The following NELL2 variants were observed in gnomAD, a reference collection of about 807,000 sequenced individuals.
The protein encoded by NELL2 is neural EGFL like 2, also known as protein kinase C-binding protein NELL2.
Under a neutral mutation model 109.6 loss-of-function variants are expected in NELL2, and 41 were observed. The observed-to-expected ratio is 0.37, with a 90% CI of 0.29 to 0.49. The LOEUF (loss-of-function observed/expected upper bound fraction) is 0.49. Ranked by LOEUF, NELL2 falls within the 20% of genes least tolerant of loss-of-function variation. NELL2 has a pLI of 0.98. For synonymous variants in NELL2, 355 were observed against 344.7 expected (o/e 1.03, Z -0.33); for missense variants, 900 against 1,008.3 (o/e 0.89, Z 1.45).
At chr12:44,885,447 T>C (rs988246660) in intron 1 of NELL2, among the ~76,000 whole-genome samples, 1 of 151,988 alleles carries the variant, frequency 6.6e-6, no homozygotes, top group Non-Finnish European at 1.5e-5. Flanking sequence ...GGTTGCAGAA[T>C]ACAAAGTCAA....
chr12:44,629,843 C>T (rs1261377912), intron 13 of NELL2, among the ~76,000 whole-genome samples: 3 of 152,122 alleles, frequency 2.0e-5, no homozygotes, highest in African/African-American at 7.2e-5. Flanking sequence ...TGACCTAGAA[C>T]CGTAAGTTCA....
chr12:44,544,010 T>C (rs1942688851), intron 15 of NELL2, among the ~76,000 whole-genome samples: 1 of 152,114 alleles, frequency 6.6e-6, no homozygotes, highest in South Asian at 2.1e-4. Context: ...CATGAGATAT[T>C]TAAATATTAA....
chr12:44,863,627 A>C (rs963536170), intron 2 of NELL2, among the ~76,000 whole-genome samples: 2 of 152,202 alleles, frequency 1.3e-5, no homozygotes, highest in African/African-American at 4.8e-5. Flanking sequence ...GGAGTCCATC[A>C]TCACCAGACC....
At chr12:44,655,227 C>T (rs1259824897) in intron 13 of NELL2, among the ~76,000 whole-genome samples, 4 of 152,168 alleles carry the variant, frequency 2.6e-5, no homozygotes, top group Non-Finnish European at 5.9e-5. Flanking sequence ...CTCAGGTGAG[C>T]TTGCAGAGAG....
upstream of NELL2, among the ~76,000 whole-genome samples, chr12:44,880,681 T>C (rs1244006670): frequency 6.6e-6 from 1 of 152,012 alleles, no homozygotes; most frequent in Non-Finnish European, 1.5e-5. Flanking sequence ...ATGGATTAAG[T>C]ACACTTTACC....
At position 44,907,133 on chromosome 12, in the gene NELL2, A is replaced by G. The variant is rs547787160; in HGVS notation, c.38+6666T>C. Among the ~76,000 whole-genome samples the G allele has an allele frequency of 2.6e-5, 4 of 152,156 alleles. No individual in the cohort carries two copies. The South Asian group carries it at 6.2e-4, about 24-fold the overall frequency. The stretch of plus-strand genomic sequence containing the variant: ...CATGTGAAGGTTTGCTACTCCTGCC[A>G]TGATTGTAAGTTTCCTAAGGCCTCC... On this transcript the variant is annotated intron_variant, in intron 1 of 20. Transcript: ENST00000333837.
At chr12:44,689,812 A>G (rs1156895845) in intron 12 of NELL2, among the ~76,000 whole-genome samples, 1 of 152,182 alleles carries the variant, frequency 6.6e-6, no homozygotes, top group African/African-American at 2.4e-5. Flanking sequence ...GGATGCTGCT[A>G]AACATCCTAC....
intron 15 of NELL2, among the ~76,000 whole-genome samples, chr12:44,539,731 A>C (rs1467991828): frequency 6.6e-6 from 1 of 152,190 alleles, no homozygotes; most frequent in Non-Finnish European, 1.5e-5. Context: ...ATAAATATTA[A>C]TTTAATGTTT....
At chr12:44,536,519 GTTA>G (rs1942300598) in intron 15 of NELL2, among the ~76,000 whole-genome samples, 1 of 151,908 alleles carries the variant, frequency 6.6e-6, no homozygotes, top group African/African-American at 2.4e-5. Context: ...GGAAAAAAAT[GTTA>G]TTATTTTATT....
At chr12:44,894,678 C>T (rs915682119) in intron 1 of NELL2, among the ~76,000 whole-genome samples, 14 of 152,296 alleles carry the variant, frequency 9.2e-5, no homozygotes, top group African/African-American at 2.9e-4. Flanking sequence ...TAAATTATCT[C>T]ATCCATAATT....
intron 1 of NELL2, among the ~76,000 whole-genome samples, chr12:44,906,601 G>A (rs1272484250): frequency 6.6e-6 from 1 of 151,976 alleles, no homozygotes; most frequent in Non-Finnish European, 1.5e-5. Flanking sequence ...GACTGGAATT[G>A]AGATATGAGA....
intron 12 of NELL2, among the ~76,000 whole-genome samples, chr12:44,681,687 G>A (rs539733562): frequency 4.3e-4 from 65 of 152,060 alleles, no homozygotes; most frequent in African/African-American, 1.4e-3. Flanking sequence ...TTGTTCTTGC[G>A]ATAGTTTACT....
At chr12:44,772,935 C>T (rs1941604159) in intron 9 of NELL2, among the ~76,000 whole-genome samples, 1 of 152,274 alleles carries the variant, frequency 6.6e-6, no homozygotes, top group Non-Finnish European at 1.5e-5. Flanking sequence ...AACATTTTAT[C>T]ATTTCATTAT....
chr12:44,780,874 C>A (rs1941933049), intron 3 of NELL2, among the ~76,000 whole-genome samples: 1 of 152,072 alleles, frequency 6.6e-6, no homozygotes, highest in Non-Finnish European at 1.5e-5. Flanking sequence ...CTCCACCTGG[C>A]AGTAACAAGA....
chr12:44,898,872 G>A (rs1054838630), intron 1 of NELL2, among the ~76,000 whole-genome samples: 1 of 151,686 alleles, frequency 6.6e-6, no homozygotes, highest in Non-Finnish European at 1.5e-5. Context: ...AAGGGTTAGA[G>A]GAACTGCTAA....
intron 2 of NELL2, among the ~76,000 whole-genome samples, chr12:44,871,927 A>C (rs1209132040): frequency 6.6e-6 from 1 of 152,210 alleles, no homozygotes; most frequent in African/African-American, 2.4e-5. Flanking sequence ...ACTTCAGAAG[A>C]AATTGTATTA....
intron 1 of NELL2, 188 bp downstream of exon 1, chr12:44,875,626 AT>A: frequency 6.2e-7 from 1 of 1,609,378 alleles, no homozygotes; most frequent in Non-Finnish European, 8.5e-7. Context: ...TAGGGGCGTG[AT>A]CCGCCTCGCG....
chr12:44,566,345 C>T (rs375465084), intron 15 of NELL2, among the ~76,000 whole-genome samples: 4 of 151,870 alleles, frequency 2.6e-5, no homozygotes, highest in Admixed American at 6.6e-5. Context: ...CCTCAGAAGT[C>T]GCCATATAAT....
intron 13 of NELL2, among the ~76,000 whole-genome samples, chr12:44,637,908 A>T (rs1409656592): frequency 1.3e-5 from 2 of 152,026 alleles, no homozygotes; most frequent in Admixed American, 1.3e-4. Context: ...TTTCAAAATT[A>T]CTACAACAGC....
Sources: gnomAD v4.1 joint callset for allele counts (sites outside exome capture counted in the v4.1 genomes callset) on GRCh38, gnomAD v4.1.1 for gene constraint, MANE v1.5 for transcripts, NCBI Gene and HGNC (gene_info 2026-07-23, HGNC 2026-07-21) for gene names.